The following ROR2 variants were observed in gnomAD, a reference collection of about 807,000 sequenced individuals.
ROR2 encodes tyrosine-protein kinase transmembrane receptor ROR2.
A neutral mutation model predicts 74.9 loss-of-function variants in ROR2; 33 were observed. The observed-to-expected ratio is 0.44, with a 90% CI of 0.33 to 0.59. The LOEUF (loss-of-function observed/expected upper bound fraction) is 0.59, where lower values mean the gene tolerates loss of function less well. ROR2 is among the 20% of genes least tolerant of loss of function. ROR2 has a pLI of 0.02. For synonymous variants in ROR2, 586 were observed against 558.7 expected (o/e 1.05, Z -0.69); for missense variants, 1,216 against 1,313.8 (o/e 0.93, Z 1.15).
At chr9:91,770,592 C>T (rs888573023) in intron 2 of ROR2, among the ~76,000 whole-genome samples, 5 of 152,234 alleles carry the variant, frequency 3.3e-5, no homozygotes, top group African/African-American at 4.8e-5. Context: ...GAACAACTAA[C>T]ATTCATCATG....
In ROR2 at chr9:91,733,004, G is replaced by A. The variant is rs9409457; in HGVS notation, c.937+118C>T. 0.47 allele frequency: 486,159 copies of A among 1,041,856 alleles called. 115,530 individuals are homozygous for A. Among genetic ancestry groups the A allele is most frequent in the Non-Finnish European group, 0.49 (355,048 of 730,248 alleles). 64.5% of individuals were successfully genotyped at this position (1,041,856 alleles called of 1,614,324 possible). A position where few individuals can be genotyped will look rare whatever the true frequency, so the allele number is the denominator to read the frequency against. On this transcript the variant is annotated intron_variant, in intron 6 of 8. Transcript: ENST00000375708. The surrounding 1 kb of genome is among the most constrained non-coding windows in gnomAD (Gnocchi z 5.7). ...TGTGGGGCCCTCGGCTGCTAAGGGG[G>A]TTCTGTGGGGCCTGGACAGATGGGG...
At chr9:91,859,295 G>A (rs906510318) in intron 1 of ROR2, among the ~76,000 whole-genome samples, 7 of 145,372 alleles carry the variant, frequency 4.8e-5, no homozygotes, top group African/African-American at 1.6e-4. Flanking sequence ...ACAGCCTCCC[G>A]GGTTCAAGCA....
At chr9:91,903,185 G>A (rs1313765242) in intron 1 of ROR2, among the ~76,000 whole-genome samples, 1 of 152,136 alleles carries the variant, frequency 6.6e-6, no homozygotes, top group Non-Finnish European at 1.5e-5. Flanking sequence ...CCTAAAGTAT[G>A]AGTGCATGGA....
At chr9:91,736,670 C>T (rs1280927346) in intron 5 of ROR2, among the ~76,000 whole-genome samples, 2 of 152,146 alleles carry the variant, frequency 1.3e-5, no homozygotes, top group Non-Finnish European at 2.9e-5. Flanking sequence ...TAATTTTCTT[C>T]CTTTCCAAGG....
chr9:91,793,544 T>C (rs1484707993), intron 1 of ROR2, among the ~76,000 whole-genome samples: 2 of 152,060 alleles, frequency 1.3e-5, no homozygotes, highest in Admixed American at 1.3e-4. Flanking sequence ...GGGTGGATCA[T>C]GAGGTCAGGA....
intron 1 of ROR2, among the ~76,000 whole-genome samples, chr9:91,942,509 A>C (rs1424030683): frequency 6.6e-6 from 1 of 152,172 alleles, no homozygotes; most frequent in African/African-American, 2.4e-5. Context: ...AAATGTGATT[A>C]TTCCCAACTC....
At chr9:91,760,587 T>C (rs1436426533) in intron 2 of ROR2, among the ~76,000 whole-genome samples, 1 of 149,762 alleles carries the variant, frequency 6.7e-6, no homozygotes, top group African/African-American at 2.5e-5. Context: ...TGAGCCGAGA[T>C]CGCGCCACTG....
At chr9:91,937,188 G>C (rs1831722469) in intron 1 of ROR2, among the ~76,000 whole-genome samples, 1 of 152,130 alleles carries the variant, frequency 6.6e-6, no homozygotes, top group African/African-American at 2.4e-5. Flanking sequence ...GGCTGCTTCA[G>C]TCTGTGCTAA....
chr9:91,752,601 G>C (rs1033943181), intron 4 of ROR2, among the ~76,000 whole-genome samples: 1 of 152,176 alleles, frequency 6.6e-6, no homozygotes, highest in Non-Finnish European at 1.5e-5. Flanking sequence ...GAAGTTGCAC[G>C]ACAGAGCCTG....
chr9:91,779,081 A>C (rs180943443), intron 1 of ROR2, among the ~76,000 whole-genome samples: 2 of 152,254 alleles, frequency 1.3e-5, no homozygotes, highest in Admixed American at 1.3e-4. Flanking sequence ...ATATTAGGTA[A>C]AAACTAAGGG....
chr9:91,876,913 G>A (rs1295079395), intron 1 of ROR2, among the ~76,000 whole-genome samples: 3 of 152,112 alleles, frequency 2.0e-5, no homozygotes, highest in African/African-American at 4.8e-5. Flanking sequence ...CAAGCTGAAC[G>A]ACTCAAGTGT....
At chr9:91,846,294 T>C (rs1485503610) in intron 1 of ROR2, among the ~76,000 whole-genome samples, 1 of 152,150 alleles carries the variant, frequency 6.6e-6, no homozygotes, top group African/African-American at 2.4e-5. Flanking sequence ...AGGGAGGCAG[T>C]CAAGGTTAAA....
intron 4 of ROR2, among the ~76,000 whole-genome samples, chr9:91,749,591 A>G (rs906287431): frequency 6.6e-6 from 1 of 152,238 alleles, no homozygotes. Flanking sequence ...ATGGCAAGAT[A>G]TATTACAAAG....
chr9:91,945,270 T>C (rs1487197963), intron 1 of ROR2, among the ~76,000 whole-genome samples: 1 of 152,234 alleles, frequency 6.6e-6, no homozygotes, highest in Admixed American at 6.5e-5. Flanking sequence ...TAGCTGTGTG[T>C]GCCTGGTGGC....
intron 1 of ROR2, among the ~76,000 whole-genome samples, chr9:91,853,149 G>C (rs554107450): frequency 8.9e-4 from 135 of 152,330 alleles, no homozygotes; most frequent in Non-Finnish European, 9.4e-4. Context: ...TCTATGCCTG[G>C]GGTTGGGCCT....
In ROR2 at chr9:91,942,272, C is replaced by T. The variant is rs757164946; in HGVS notation, c.97+7595G>A. On this transcript the variant is annotated intron_variant, in intron 1 of 8. Transcript: ENST00000375708. ...AAATGATGTATGCTCTTGGGAAGGACGGCATCCATCTGCCCAAATCTGTGG... is the reference window on the plus strand; with the variant it reads ...AAATGATGTATGCTCTTGGGAAGGATGGCATCCATCTGCCCAAATCTGTGG... 8.5e-5 allele frequency among the ~76,000 whole-genome samples: 13 copies of T among 152,278 alleles called. 1 individual carries two copies. The South Asian group carries it at 1.0e-3, about 12-fold the overall frequency.
chr9:91,920,664 G>A (rs1831240416), intron 1 of ROR2, among the ~76,000 whole-genome samples: 1 of 152,174 alleles, frequency 6.6e-6, no homozygotes, highest in African/African-American at 2.4e-5. Context: ...CCAGGCACTT[G>A]GGAGCATATC....
chr9:91,933,873 T>C (rs1238856227), intron 1 of ROR2, among the ~76,000 whole-genome samples: 1 of 152,196 alleles, frequency 6.6e-6, no homozygotes, highest in African/African-American at 2.4e-5. Context: ...TGATGGTTAA[T>C]GGGTAGAGGA....
chr9:91,738,380 T>C (rs1038864381), intron 4 of ROR2, among the ~76,000 whole-genome samples: 2 of 151,978 alleles, frequency 1.3e-5, no homozygotes, highest in Non-Finnish European at 1.5e-5. Flanking sequence ...TGGTTAAGGG[T>C]GAGGATGATT....
Sources: gnomAD v4.1 joint callset for allele counts (sites outside exome capture counted in the v4.1 genomes callset) on GRCh38, gnomAD v4.1.1 for gene constraint, Gnocchi (gnomAD v3.1) non-coding constraint, MANE v1.5 for transcripts, NCBI Gene and HGNC (gene_info 2026-07-23, HGNC 2026-07-21) for gene names.